NOS2: variants seen among roughly 807,000 people sequenced by gnomAD.
NOS2 encodes nitric oxide synthase, inducible.
In NOS2, 96 loss-of-function variants were observed where a neutral mutation model predicts 136.0. The observed-to-expected ratio is 0.71, with a 90% CI of 0.60 to 0.84. NOS2 has a LOEUF of 0.84. Among genes scored for constraint, NOS2 ranks in the 40% least tolerant of loss-of-function variants. The pLI is 0.00. For missense variants in NOS2, 1,237 were observed against 1,496.9 expected, an observed-to-expected ratio of 0.83 and a Z score of 2.87; for synonymous variants, 539 against 587.5, an observed-to-expected ratio of 0.92 and a Z score of 1.20.
At position 27,778,866 on chromosome 17, in the gene NOS2, G is replaced by A; in HGVS notation, c.1179+16C>T. 1 of 1,610,104 alleles carries A rather than the reference G, an allele frequency of 6.2e-7. No homozygotes were observed. Among genetic ancestry groups the A allele is most frequent in the South Asian group, 1.1e-5 (1 of 90,950 alleles). Reference sequence around the variant, plus strand: ...GGCCCACACCTTCATCTGGCCAGCTGGGCTGGCTGGGTTACCTCCAGGATG... The same window carrying A: ...GGCCCACACCTTCATCTGGCCAGCTAGGCTGGCTGGGTTACCTCCAGGATG... On this transcript the variant is annotated intron_variant, in intron 10 of 26. Coordinates refer to ENST00000313735, the MANE Select transcript of NOS2 (RefSeq NM_000625.4).
Position 27,776,677 on chromosome 17 carries a change from G to GAAAAAAAAAAAAAAAAAAAA in NOS2, c.1281+1993_1281+2012dup, listed in dbSNP as rs34069634. ...ATGGAGGGAGAGTTCATCTCCAAAG[G>GAAAAAAAAAAAAAAAAAAAA]AAAAAAAAAAAAAAAAAAAAAACTC... is the stretch of plus-strand genomic sequence containing the variant. On this transcript the variant is annotated intron_variant, in intron 11 of 26. Transcript: ENST00000313735. 2.6e-5 allele frequency among the ~76,000 whole-genome samples: 2 copies of GAAAAAAAAAAAAAAAAAAAA among 78,124 alleles called. 1 individual carries two copies. 51.3% of individuals were successfully genotyped at this position (78,124 alleles called of 152,430 possible). A position where few individuals can be genotyped will look rare whatever the true frequency, so the allele number is the denominator to read the frequency against.
chr17:27,774,206 A>ACACG, intron 12 of NOS2, 51 bp downstream of exon 12: 8 of 1,365,906 alleles, frequency 5.9e-6, no homozygotes, highest in Non-Finnish European at 7.7e-6. Context: ...ACACACACAC[A>ACACG]TACAGCCACA....
At position 27,774,560 on chromosome 17, in the gene NOS2, T is replaced by C. The variant is rs142205241; in HGVS notation, c.1282-109A>G. The stretch of plus-strand genomic sequence containing the variant: ...GTGCCTGGGAAGGCCTGGCAATCTG[T>C]AACACGGGAGAGCAACTCCTGGCCC... On this transcript the variant is annotated intron_variant, in intron 11 of 26. Coordinates refer to ENST00000313735, the MANE Select transcript of NOS2 (RefSeq NM_000625.4). 725 of 750,312 alleles carry C rather than the reference T, an allele frequency of 9.7e-4. 7 individuals are homozygous for C. In the East Asian group the frequency reaches 0.019, roughly 19 times the overall value. 46.5% of individuals were successfully genotyped at this position (750,312 alleles called of 1,614,324 possible).
intron 12 of NOS2, among the ~76,000 whole-genome samples, chr17:27,773,789 G>A (rs1908574093): frequency 6.6e-6 from 1 of 152,178 alleles, no homozygotes; most frequent in Non-Finnish European, 1.5e-5. Flanking sequence ...GCACTGGGCT[G>A]AGCTGTTCCA....
chr17:27,765,613 C>T lies in NOS2; in HGVS notation c.2350G>A (p.Val784Ile), dbSNP rs774998713. ...GVCPGNQPAL[V>I]QGILERVVDG... The stretch of plus-strand genomic sequence containing the variant: ...ACCACTCGCTCCAGGATACCTTGGA[C>T]CAGGGCCGGCTGGTTGCCTGGGCAA... Residue 784 changes from valine (V) to isoleucine (I), a missense_variant, in exon 20 of 27, where the codon GTC becomes ATC. Val to Ile is a conservative substitution (Grantham distance 29). Transcript: ENST00000313735. The T allele has an allele frequency of 6.2e-7, 1 of 1,613,032 alleles. No individual in the cohort carries two copies. The highest frequency in any genetic ancestry group is 8.5e-7 in the Non-Finnish European group (1 of 1,179,924).
chr17:27,769,118 G>A lies in NOS2; in HGVS notation c.1893C>T (p.Tyr631=). Residue 631 remains tyrosine, a synonymous_variant, in exon 17 of 27, where the codon TAC becomes TAT. Transcript: ENST00000313735. ...CATGAGCAAAGGCGCAGAACCGAGG[G>A]TACATGCTGGAGCCGAGGCCAAACA... is the stretch of plus-strand genomic sequence containing the variant. ...YAVFGLGSSM[Y]PRFCAFAHDI... 6.2e-7 allele frequency: 1 copy of A among 1,612,448 alleles called. No individual in the cohort carries two copies. Among genetic ancestry groups the A allele is most frequent in the Non-Finnish European group, 8.5e-7 (1 of 1,179,824 alleles).
At chr17:27,780,163 G>T (rs537562272) in intron 9 of NOS2, among the ~76,000 whole-genome samples, 1 of 152,188 alleles carries the variant, frequency 6.6e-6, no homozygotes, top group African/African-American at 2.4e-5. Context: ...TTGACAAGAA[G>T]AAATGAGCCT....
At chr17:27,786,151 G>A (rs548139284) in intron 5 of NOS2, among the ~76,000 whole-genome samples, 211 of 151,152 alleles carry the variant, frequency 1.4e-3, no homozygotes, top group South Asian at 4.4e-3. Context: ...GGCCGGGCTC[G>A]GTGGCTCACG....
intron 2 of NOS2, among the ~76,000 whole-genome samples, chr17:27,796,313 G>A (rs929004737): frequency 1.3e-5 from 2 of 152,118 alleles, no homozygotes; most frequent in Non-Finnish European, 2.9e-5. Context: ...AACCAGGCGT[G>A]GTGGCACATG....
At chr17:27,757,710 C>T (rs765008166) in intron 26 of NOS2, among the ~76,000 whole-genome samples, 2 of 152,198 alleles carry the variant, frequency 1.3e-5, no homozygotes, top group African/African-American at 2.4e-5. Context: ...ACTGAAGGCT[C>T]CCAGAAGTCT....
chr17:27,792,977 C>A (rs1045371535), intron 2 of NOS2, among the ~76,000 whole-genome samples: 1 of 151,856 alleles, frequency 6.6e-6, no homozygotes, highest in Non-Finnish European at 1.5e-5. Flanking sequence ...AGAGTGAGAC[C>A]CTATCAAAAA....
chr17:27,781,635 A>C (rs1278678634), intron 7 of NOS2, among the ~76,000 whole-genome samples: 1 of 152,236 alleles, frequency 6.6e-6, no homozygotes, highest in Non-Finnish European at 1.5e-5. Flanking sequence ...ATGAATGACC[A>C]AATGAGCTGT....
At chr17:27,782,220 A>C in intron 6 of NOS2, 114 bp from the exon 7 acceptor site, 1 of 838,108 alleles carries the variant, frequency 1.2e-6, no homozygotes, top group Non-Finnish European at 2.0e-6. Flanking sequence ...ACACACAAAC[A>C]CTCAACACCA....
intron 13 of NOS2, 89 bp from the exon 14 acceptor site, chr17:27,772,541 G>C: frequency 6.8e-7 from 1 of 1,463,680 alleles, no homozygotes; most frequent in Non-Finnish European, 9.4e-7. Context: ...AGGGGACAGC[G>C]TTTAATGTGG....
chr17:27,771,998 T>G (rs1233334791), intron 14 of NOS2, among the ~76,000 whole-genome samples: 1 of 152,230 alleles, frequency 6.6e-6, no homozygotes, highest in Admixed American at 6.5e-5. Flanking sequence ...CATGCAGCAC[T>G]GCATCCTGCA....
At chr17:27,781,575 T>C (rs1191875103) in intron 7 of NOS2, among the ~76,000 whole-genome samples, 1 of 151,446 alleles carries the variant, frequency 6.6e-6, no homozygotes, top group Non-Finnish European at 1.5e-5. Flanking sequence ...CCTTGTCCTG[T>C]GTTGAGTTGC....
rs202036585 is a variant in NOS2 at position 27,788,773 on chromosome 17, G to C, written c.318+36C>G. 2.5e-6 allele frequency: 4 copies of C among 1,595,314 alleles called. No individual in the cohort carries two copies. The East Asian group carries it at 9.0e-5, about 36-fold the overall frequency. On this transcript the variant is annotated intron_variant, in intron 4 of 26. Transcript: ENST00000313735. ...AAGCCCTGGCAGCTTCACCAGCTTG[G>C]GACAAAGGTGGTTCTCCCTGAAGCC...
At chr17:27,794,877 T>C (rs1295740731) in intron 2 of NOS2, among the ~76,000 whole-genome samples, 2 of 152,254 alleles carry the variant, frequency 1.3e-5, no homozygotes, top group East Asian at 3.8e-4. Context: ...TTGGCTCTCA[T>C]TGCTTTCAGG....
chr17:27,793,539 T>TCGG (rs1909257984), intron 2 of NOS2: 4 of 396,656 alleles, frequency 1.0e-5, no homozygotes, highest in African/African-American at 4.1e-5. Context: ...CCGCCCGGGC[T>TCGG]CGGAGCCCAC....
Sources: allele counts gnomAD v4.1 joint callset (sites outside exome capture counted in the v4.1 genomes callset), GRCh38; gene constraint gnomAD v4.1.1; transcripts MANE v1.5; gene names NCBI Gene and HGNC (gene_info 2026-07-23, HGNC 2026-07-21).